RANBP2: variants seen among roughly 807,000 people sequenced by gnomAD.
RANBP2 encodes E3 SUMO-protein ligase RanBP2.
In RANBP2, 57 loss-of-function variants were observed where a neutral mutation model predicts 303.6. The observed-to-expected ratio is 0.19, with a 90% CI of 0.15 to 0.23. RANBP2 has a LOEUF of 0.23. RANBP2 is among the 10% of genes least tolerant of loss of function. RANBP2 has a pLI of 1.00. For synonymous variants in RANBP2, 1,167 were observed against 1,301.5 expected (o/e 0.90, Z 2.23); for missense variants, 3,138 against 3,780.8 (o/e 0.83, Z 4.46).
the RANBP2 span, among the ~76,000 whole-genome samples, chr2:109,680,627 C>G: frequency 1.3e-5 from 2 of 152,178 alleles, no homozygotes; most frequent in Non-Finnish European, 2.9e-5. Flanking sequence ...ATCACCATCA[C>G]CTGTTTTCCC....
the RANBP2 span, among the ~76,000 whole-genome samples, chr2:109,672,379 T>C: frequency 2.6e-5 from 4 of 152,366 alleles, no homozygotes; most frequent in South Asian, 6.2e-4. Flanking sequence ...TTCATTTTAT[T>C]TCTCTGCCAC....
At chr2:109,410,803 G>A in the RANBP2 span, among the ~76,000 whole-genome samples, 5 of 152,196 alleles carry the variant, frequency 3.3e-5, no homozygotes, top group Admixed American at 6.5e-5. Flanking sequence ...TGCTAGGCGC[G>A]ACTTCGTGGG....
chr2:109,351,474 A>G, the RANBP2 span, among the ~76,000 whole-genome samples: 8 of 152,326 alleles, frequency 5.3e-5, no homozygotes, highest in South Asian at 8.3e-4. Context: ...AGCTAACTCT[A>G]TATTGTCTTA....
At chr2:109,433,377 A>G in the RANBP2 span, among the ~76,000 whole-genome samples, 1 of 152,212 alleles carries the variant, frequency 6.6e-6, no homozygotes, top group East Asian at 1.9e-4. Flanking sequence ...TACTACTTTT[A>G]TCAAATAGAA....
the RANBP2 span, among the ~76,000 whole-genome samples, chr2:109,282,020 G>A: frequency 1.3e-5 from 2 of 152,112 alleles, no homozygotes; most frequent in Admixed American, 6.5e-5. Flanking sequence ...GGTTCAAGAT[G>A]CTACATCTCT....
the RANBP2 span, among the ~76,000 whole-genome samples, chr2:109,023,117 T>A: frequency 1.8e-4 from 28 of 152,308 alleles, no homozygotes; most frequent in Non-Finnish European, 3.4e-4. Context: ...ACCTTGATAA[T>A]ATGTACAGAA....
At chr2:109,048,583 T>C in the RANBP2 span, among the ~76,000 whole-genome samples, 1 of 152,210 alleles carries the variant, frequency 6.6e-6, no homozygotes, top group Non-Finnish European at 1.5e-5. Flanking sequence ...CTCCAAAATC[T>C]ATGCTTCAGT....
chr2:109,419,735 TC>T, the RANBP2 span: 3 of 1,227,800 alleles, frequency 2.4e-6, no homozygotes, highest in Non-Finnish European at 3.4e-6. Flanking sequence ...CGCAGGGTTT[TC>T]CCATGTGTTA....
chr2:109,500,747 A>G, the RANBP2 span, among the ~76,000 whole-genome samples: 4 of 152,276 alleles, frequency 2.6e-5, no homozygotes, highest in African/African-American at 9.6e-5. Flanking sequence ...TCAGGAGTTC[A>G]AGACCAGCCT....
chr2:108,746,972 T>A (rs1386624455), intron 8 of RANBP2, among the ~76,000 whole-genome samples, 174 bp downstream of exon 8: 1 of 152,200 alleles, frequency 6.6e-6, no homozygotes, highest in Non-Finnish European at 1.5e-5. Context: ...GCACATTCTT[T>A]AAAAAAATGA....
chr2:109,216,830 C>T, the RANBP2 span, among the ~76,000 whole-genome samples: 2 of 152,206 alleles, frequency 1.3e-5, no homozygotes, highest in African/African-American at 4.8e-5. Flanking sequence ...TGTAAGCAAA[C>T]AGTTCAGTGG....
the RANBP2 span, among the ~76,000 whole-genome samples, chr2:109,238,638 T>C: frequency 6.6e-6 from 1 of 152,112 alleles, no homozygotes; most frequent in Non-Finnish European, 1.5e-5. Flanking sequence ...CAGAGTTTCT[T>C]AAACCCAGAG....
chr2:109,572,397 C>G, the RANBP2 span, among the ~76,000 whole-genome samples: 2 of 151,728 alleles, frequency 1.3e-5, no homozygotes, highest in Admixed American at 6.6e-5. Context: ...CCTCCCAAAC[C>G]GCTGGGGTTA....
the RANBP2 span, among the ~76,000 whole-genome samples, chr2:109,632,288 AC>A: frequency 6.6e-6 from 1 of 152,128 alleles, no homozygotes; most frequent in Non-Finnish European, 1.5e-5. Context: ...AAATGATCAA[AC>A]CTAAGGGGGT....
At chr2:109,487,512 C>T in the RANBP2 span, among the ~76,000 whole-genome samples, 1 of 152,204 alleles carries the variant, frequency 6.6e-6, no homozygotes. Context: ...ATGACATCAG[C>T]GTTTTTCCAA....
At chr2:109,673,046 G>A in the RANBP2 span, among the ~76,000 whole-genome samples, 1 of 152,110 alleles carries the variant, frequency 6.6e-6, no homozygotes, top group African/African-American at 2.4e-5. Flanking sequence ...AAATTCAGAG[G>A]AAAATTGTTC....
the RANBP2 span, among the ~76,000 whole-genome samples, chr2:108,887,653 G>C: frequency 6.6e-6 from 1 of 151,966 alleles, no homozygotes; most frequent in East Asian, 1.9e-4. Context: ...AAATGGAATT[G>C]CCTTCTTGAT....
At chr2:108,748,374 A>ATTTTTTTTTTTT (rs34247750) in intron 8 of RANBP2, among the ~76,000 whole-genome samples, 1 of 130,748 alleles carries the variant, frequency 7.6e-6, no homozygotes, top group Non-Finnish European at 1.6e-5. Context: ...GGGCCGGCTA[A>ATTTTTTTTTTTT]TTTTTTTTTT....
the RANBP2 span, among the ~76,000 whole-genome samples, chr2:109,247,453 T>A: frequency 6.6e-6 from 1 of 152,244 alleles, no homozygotes; most frequent in Non-Finnish European, 1.5e-5. Context: ...TGACCGTTCC[T>A]CTGAGGACAC....
Sources: gnomAD v4.1 joint callset for allele counts (sites outside exome capture counted in the v4.1 genomes callset) on GRCh38, gnomAD v4.1.1 for gene constraint, MANE v1.5 for transcripts, NCBI Gene and HGNC (gene_info 2026-07-23, HGNC 2026-07-21) for gene names.